Variants in CNTNAP5 observed in about 807,000 individuals in gnomAD.
The protein encoded by CNTNAP5 is contactin associated protein family member 5, also known as contactin-associated protein-like 5.
Under a neutral mutation model 150.2 loss-of-function variants are expected in CNTNAP5, and 72 were observed. That is an observed-to-expected ratio of 0.48 (90% CI 0.40 to 0.58). CNTNAP5 has a LOEUF of 0.58. Ranked by LOEUF, CNTNAP5 falls within the 20% of genes least tolerant of loss-of-function variation. The pLI, the probability that CNTNAP5 is intolerant of heterozygous loss-of-function variation, is 0.00. For synonymous variants in CNTNAP5, 672 were observed against 619.8 expected (o/e 1.08, Z -1.25); for missense variants, 1,636 against 1,626.2 (o/e 1.01, Z -0.10).
intron 1 of CNTNAP5, among the ~76,000 whole-genome samples, chr2:124,128,726 C>A (rs964288145): frequency 4.6e-5 from 7 of 152,034 alleles, no homozygotes; most frequent in Non-Finnish European, 8.8e-5. Flanking sequence ...GAATACTATG[C>A]AGCCATAAAA....
intron 11 of CNTNAP5, among the ~76,000 whole-genome samples, chr2:124,569,414 C>T (rs1696101962): frequency 6.7e-6 from 1 of 149,768 alleles, no homozygotes; most frequent in South Asian, 2.1e-4. Context: ...AAGATTGCTT[C>T]CACAATCTTT....
chr2:124,817,921 G>T (rs1219160202), intron 19 of CNTNAP5, among the ~76,000 whole-genome samples: 1 of 152,144 alleles, frequency 6.6e-6, no homozygotes, highest in Non-Finnish European at 1.5e-5. Flanking sequence ...GAGTGCAAAT[G>T]GGCCGGTCTT....
chr2:124,531,941 C>A (rs1288129329), intron 10 of CNTNAP5, among the ~76,000 whole-genome samples: 1 of 152,152 alleles, frequency 6.6e-6, no homozygotes, highest in Non-Finnish European at 1.5e-5. Flanking sequence ...GCCATTGCAA[C>A]TGGGTTTCTA....
At chr2:124,058,765 C>T (rs1681924319) in intron 1 of CNTNAP5, among the ~76,000 whole-genome samples, 1 of 152,114 alleles carries the variant, frequency 6.6e-6, no homozygotes, top group Non-Finnish European at 1.5e-5. Context: ...TGTCTTCTAC[C>T]ACTCTTATGA....
chr2:124,521,713 A>G lies in CNTNAP5; in HGVS notation c.1328-2590A>G, dbSNP rs145202081. 2.6e-4 allele frequency among the ~76,000 whole-genome samples: 40 copies of G among 152,316 alleles called. 1 individual carries two copies. In the East Asian group the frequency reaches 7.7e-3, roughly 29 times the overall value. On this transcript the variant is annotated intron_variant, in intron 8 of 23. Transcript: ENST00000682447. ...CTAGTTACTAACTCCCTTCCAGTCT[A>G]GAGTTTACCTGCAAATGCAGTCCCA...
chr2:124,888,798 T>C (rs1267909910), intron 21 of CNTNAP5, among the ~76,000 whole-genome samples: 1 of 152,054 alleles, frequency 6.6e-6, no homozygotes, highest in Non-Finnish European at 1.5e-5. Context: ...AGGTTAACTG[T>C]TTTTAGCTTG....
At position 124,225,871 on chromosome 2, in the gene CNTNAP5, G is replaced by A. The variant is rs142618406; in HGVS notation, c.187+4062G>A. On this transcript the variant is annotated intron_variant, in intron 2 of 23. Transcript: ENST00000682447. ...TTCCTCATATAAGTGAGATAATGCA[G>A]TATTTGTCTTTCTGTGCCTGGATAT... Among the ~76,000 whole-genome samples the A allele has an allele frequency of 1.0e-3, 156 of 152,220 alleles. 2 individuals carry two copies. In the East Asian group the frequency reaches 0.024, roughly 23 times the overall value.
At chr2:124,490,677 A>G (rs901824809) in intron 7 of CNTNAP5, among the ~76,000 whole-genome samples, 2 of 152,094 alleles carry the variant, frequency 1.3e-5, no homozygotes, top group African/African-American at 2.4e-5. Context: ...CATTTGAAGT[A>G]AGTATGTCTG....
At chr2:124,876,476 G>A (rs781695337) in intron 21 of CNTNAP5, among the ~76,000 whole-genome samples, 1 of 151,688 alleles carries the variant, frequency 6.6e-6, no homozygotes, top group East Asian at 1.9e-4. Context: ...GAGAGAAGAG[G>A]GTGCAGTTAT....
intron 10 of CNTNAP5, among the ~76,000 whole-genome samples, chr2:124,549,988 C>T (rs1695593700): frequency 6.6e-6 from 1 of 152,170 alleles, no homozygotes; most frequent in South Asian, 2.1e-4. Flanking sequence ...CTGAGCAGAC[C>T]TGATAATACA....
intron 13 of CNTNAP5, among the ~76,000 whole-genome samples, chr2:124,733,480 G>T (rs1361703614): frequency 1.3e-5 from 2 of 151,898 alleles, no homozygotes; most frequent in East Asian, 3.9e-4. Flanking sequence ...GTGGAAGGGT[G>T]GAAGTCAACT....
At chr2:124,656,764 C>T (rs1678466484) in intron 13 of CNTNAP5, among the ~76,000 whole-genome samples, 1 of 152,060 alleles carries the variant, frequency 6.6e-6, no homozygotes, top group Admixed American at 6.5e-5. Context: ...TGCATTTTTC[C>T]CATCACTTTA....
chr2:124,297,268 G>A (rs1434842464), intron 3 of CNTNAP5, among the ~76,000 whole-genome samples: 1 of 152,098 alleles, frequency 6.6e-6, no homozygotes. Context: ...CTGGTTCTCC[G>A]TGCCGGTAAC....
chr2:124,708,499 T>C (rs1465665895), intron 13 of CNTNAP5, among the ~76,000 whole-genome samples: 2 of 151,794 alleles, frequency 1.3e-5, no homozygotes, highest in East Asian at 1.9e-4. Context: ...GGCAGTGCAA[T>C]CTGCAGGGAC....
chr2:124,639,734 G>A (rs964893444), intron 12 of CNTNAP5, among the ~76,000 whole-genome samples: 25 of 152,138 alleles, frequency 1.6e-4, no homozygotes, highest in East Asian at 5.8e-4. Context: ...TATCCTCAGT[G>A]TGCACCAAAA....
intron 3 of CNTNAP5, among the ~76,000 whole-genome samples, chr2:124,268,458 G>A (rs1687666789): frequency 6.6e-6 from 1 of 152,184 alleles, no homozygotes; most frequent in Non-Finnish European, 1.5e-5. Context: ...CAACCCTACA[G>A]TGATGTAGTG....
At chr2:124,404,019 T>C (rs756321721) in intron 3 of CNTNAP5, among the ~76,000 whole-genome samples, 1 of 151,932 alleles carries the variant, frequency 6.6e-6, no homozygotes, top group Non-Finnish European at 1.5e-5. Context: ...TCATGACAGG[T>C]GGGGGTTATG....
intron 13 of CNTNAP5, among the ~76,000 whole-genome samples, chr2:124,667,689 A>C (rs910413891): frequency 6.6e-6 from 1 of 151,932 alleles, no homozygotes; most frequent in Non-Finnish European, 1.5e-5. Flanking sequence ...CATGGAAAAC[A>C]CTCCCTATGT....
intron 7 of CNTNAP5, among the ~76,000 whole-genome samples, chr2:124,485,612 C>CAAAAAAA (rs576700912): frequency 1.9e-3 from 99 of 52,314 alleles, no homozygotes; most frequent in East Asian, 3.8e-3. Flanking sequence ...GACTCTGTCT[C>CAAAAAAA]AAAAAAAAAA....
Sources: allele counts gnomAD v4.1 joint callset (sites outside exome capture counted in the v4.1 genomes callset), GRCh38; gene constraint gnomAD v4.1.1; transcripts MANE v1.5; gene names NCBI Gene and HGNC (gene_info 2026-07-23, HGNC 2026-07-21).